The following UGT8 variants were observed in gnomAD, a reference collection of about 807,000 sequenced individuals.
UGT8 encodes 2-hydroxyacylsphingosine 1-beta-galactosyltransferase.
Under a neutral mutation model 40.5 loss-of-function variants are expected in UGT8, and 12 were observed. The observed-to-expected ratio is 0.30, with a 90% CI of 0.19 to 0.48. The LOEUF (loss-of-function observed/expected upper bound fraction) is 0.48. Ranked by LOEUF, UGT8 falls within the 20% of genes least tolerant of loss-of-function variation. The pLI, the probability that UGT8 is intolerant of heterozygous loss-of-function variation, is 0.99. For missense variants in UGT8, 513 were observed against 648.7 expected, an observed-to-expected ratio of 0.79 and a Z score of 2.27; for synonymous variants, 224 against 240.4, an observed-to-expected ratio of 0.93 and a Z score of 0.63.
chr4:114,604,264 T>C (rs1251694857), intron 1 of UGT8, among the ~76,000 whole-genome samples: 3 of 152,220 alleles, frequency 2.0e-5, no homozygotes, highest in African/African-American at 7.2e-5. Flanking sequence ...GGACATTGAT[T>C]ATACATTTTA....
In UGT8 at chr4:114,674,545, A is replaced by G. The variant is rs145476723; in HGVS notation, c.1263-1380A>G. On this transcript the variant is annotated intron_variant, in intron 5 of 5. Coordinates refer to ENST00000310836, the MANE Select transcript of UGT8 (RefSeq NM_001128174.3). ...TGCTTTAACAGCCTGTCTCCCTGATATAATGGCTCTTTGGTTCTAAGAAAG... is the reference window on the plus strand; with the variant it reads ...TGCTTTAACAGCCTGTCTCCCTGATGTAATGGCTCTTTGGTTCTAAGAAAG... Among the ~76,000 whole-genome samples the G allele has an allele frequency of 7.2e-3, 1,096 of 152,334 alleles. 16 individuals are homozygous for G. Among genetic ancestry groups the G allele is most frequent in the African/African-American group, 0.024 (1,015 of 41,568 alleles).
intron 2 of UGT8, among the ~76,000 whole-genome samples, chr4:114,651,414 A>G (rs1578447921): frequency 1.3e-5 from 2 of 152,092 alleles, no homozygotes; most frequent in African/African-American, 4.8e-5. Flanking sequence ...TTTCTCTTTT[A>G]TAAATGTAGA....
chr4:114,609,709 A>G (rs1489374953), intron 1 of UGT8, among the ~76,000 whole-genome samples: 1 of 152,068 alleles, frequency 6.6e-6, no homozygotes, highest in Non-Finnish European at 1.5e-5. Context: ...ATGGGCTTTA[A>G]ATGCTTTATA....
chr4:114,613,000 C>T (rs951024368), intron 1 of UGT8, among the ~76,000 whole-genome samples: 1 of 151,870 alleles, frequency 6.6e-6, no homozygotes, highest in African/African-American at 2.4e-5. Flanking sequence ...CTTTTTTTCC[C>T]AGTAAGTTTT....
At chr4:114,655,177 A>G (rs943486582) in intron 2 of UGT8, among the ~76,000 whole-genome samples, 1 of 152,014 alleles carries the variant, frequency 6.6e-6, no homozygotes, top group African/African-American at 2.4e-5. Context: ...TTTTTCCACA[A>G]TAAACTTTTA....
intron 5 of UGT8, among the ~76,000 whole-genome samples, chr4:114,674,007 T>C (rs1735461543): frequency 6.6e-6 from 1 of 152,244 alleles, no homozygotes; most frequent in Non-Finnish European, 1.5e-5. Flanking sequence ...GTAATAGCCT[T>C]CATTTGTTTT....
chr4:114,644,742 C>T (rs1194855603), intron 2 of UGT8, among the ~76,000 whole-genome samples: 1 of 152,082 alleles, frequency 6.6e-6, no homozygotes, highest in Admixed American at 6.5e-5. Context: ...CACACCTATC[C>T]TTCCTCTCTT....
chr4:114,671,458 G>T (rs1395429677), intron 5 of UGT8, among the ~76,000 whole-genome samples: 1 of 152,098 alleles, frequency 6.6e-6, no homozygotes, highest in Admixed American at 6.6e-5. Context: ...AAATAGCATG[G>T]TACTGGTACC....
At chr4:114,651,956 C>T (rs928028755) in intron 2 of UGT8, among the ~76,000 whole-genome samples, 2 of 151,370 alleles carry the variant, frequency 1.3e-5, no homozygotes, top group Non-Finnish European at 2.9e-5. Context: ...GGGGAATACA[C>T]TATTTGGGAT....
intron 2 of UGT8, among the ~76,000 whole-genome samples, chr4:114,642,110 T>C (rs943997952): frequency 1.3e-5 from 2 of 152,140 alleles, no homozygotes; most frequent in African/African-American, 4.8e-5. Context: ...CTTGTTAAAA[T>C]TGTTAACAGG....
chr4:114,629,083 G>C (rs145833845), intron 2 of UGT8, among the ~76,000 whole-genome samples: 86 of 152,158 alleles, frequency 5.7e-4, no homozygotes, highest in African/African-American at 1.7e-3. Context: ...AGGGTCCTTG[G>C]GGGTAAAAGA....
At chr4:114,638,884 A>G (rs377262378) in intron 2 of UGT8, among the ~76,000 whole-genome samples, 1 of 152,136 alleles carries the variant, frequency 6.6e-6, no homozygotes, top group Non-Finnish European at 1.5e-5. Flanking sequence ...CTTCCATTCC[A>G]AGCTCACTGA....
intron 2 of UGT8, among the ~76,000 whole-genome samples, chr4:114,660,753 G>A (rs181636797): frequency 1.6e-3 from 238 of 151,862 alleles, no homozygotes; most frequent in African/African-American, 5.2e-3. Context: ...TTAGCCGGGC[G>A]TAGTGGGGGC....
intron 2 of UGT8, among the ~76,000 whole-genome samples, chr4:114,638,051 G>A (rs897849057): frequency 6.6e-6 from 1 of 152,114 alleles, no homozygotes; most frequent in African/African-American, 2.4e-5. Context: ...ATACATATAT[G>A]ATATACATTT....
chr4:114,639,215 C>T (rs1327712125), intron 2 of UGT8, among the ~76,000 whole-genome samples: 1 of 152,170 alleles, frequency 6.6e-6, no homozygotes, highest in Non-Finnish European at 1.5e-5. Flanking sequence ...GACTCTCTTC[C>T]ACACTCATTA....
rs137869490 is a variant in UGT8, at chr4:114,676,215, A to G, written c.1553A>G (p.His518Arg). The G allele has an allele frequency of 6.2e-7, 1 of 1,613,870 alleles. No individual in the cohort carries two copies. The highest frequency in any genetic ancestry group is 8.5e-7 in the Non-Finnish European group (1 of 1,179,928). ...SRNKHSTVNG[H>R]YHNGILNGKY... ...AATAAGCATAGCACAGTTAATGGACATTACCACAATGGAATCCTCAATGGC... is the reference window on the plus strand; with the variant it reads ...AATAAGCATAGCACAGTTAATGGACGTTACCACAATGGAATCCTCAATGGC... Residue 518 changes from histidine (H) to arginine (R), a missense_variant, in exon 6 of 6, where the codon CAT (histidine) becomes CGT (arginine). This residue lies in a region of UGT8 where 175 missense variants were observed against 186.7 expected (regional missense o/e 0.94). Coordinates refer to ENST00000310836, the MANE Select transcript of UGT8 (RefSeq NM_001128174.3).
intron 1 of UGT8, chr4:114,622,541 TACAGTCCCACCA>T (rs1453124655): frequency 4.7e-6 from 1 of 211,356 alleles, no homozygotes; most frequent in East Asian, 1.3e-4. Flanking sequence ...TGAACTAGTT[TACAGTCCCACCA>T]ACAGTGTAAA....
rs1370931973 is a variant in UGT8, at chr4:114,668,212, A to G, written c.1170A>G (p.Val390=). 6.2e-7 allele frequency: 1 copy of G among 1,613,930 alleles called. No homozygotes were observed. The highest frequency in any genetic ancestry group is 1.3e-5 in the African/African-American group (1 of 75,036). The change falls in exon 5 of 6, where the codon GTA becomes GTG. Residue 390 remains valine (V), a synonymous_variant. Transcript: ENST00000310836. The part of the protein sequence containing the change: ...FGDHYDTMTR[V]QAKGMGILLE... ...ACCATTATGATACTATGACCAGAGT[A>G]CAGGCAAAAGGCATGGGGATATTGC... is the stretch of plus-strand genomic sequence containing the variant.
At chr4:114,651,536 C>T (rs981950215) in intron 2 of UGT8, among the ~76,000 whole-genome samples, 11 of 152,080 alleles carry the variant, frequency 7.2e-5, no homozygotes, top group Non-Finnish European at 1.5e-4. Context: ...TGCTGAAATA[C>T]ACTGATAAGG....
Sources: allele counts gnomAD v4.1 joint callset (sites outside exome capture counted in the v4.1 genomes callset), GRCh38; gene constraint gnomAD v4.1.1; regional missense constraint gnomAD v4.1.1; transcripts MANE v1.5; gene names NCBI Gene and HGNC (gene_info 2026-07-23, HGNC 2026-07-21).